Variants in FAM167A observed in about 807,000 individuals in gnomAD.
FAM167A encodes protein FAM167A.
A neutral mutation model predicts 14.9 loss-of-function variants in FAM167A; 23 were observed. The ratio of observed to expected loss-of-function variants is 1.55; its 90% CI spans 1.11 to 2.19. The LOEUF (loss-of-function observed/expected upper bound fraction) is 2.19. Among genes scored for constraint, FAM167A ranks in the 30% most tolerant of loss-of-function variants. The pLI, the probability that FAM167A is intolerant of heterozygous loss-of-function variation, is 0.00. For synonymous variants in FAM167A, 174 were observed against 117.7 expected (o/e 1.48, Z -3.10); for missense variants, 401 against 281.5 (o/e 1.42, Z -3.04).
chr8:11,431,228 C>T (rs139790665), intron 2 of FAM167A, among the ~76,000 whole-genome samples: 99 of 152,350 alleles, frequency 6.5e-4, no homozygotes, highest in African/African-American at 2.1e-3. Flanking sequence ...GAAGACAATC[C>T]TGGCACATGC....
intron 1 of FAM167A, among the ~76,000 whole-genome samples, chr8:11,465,291 C>G (rs1294420771): frequency 6.6e-6 from 1 of 152,100 alleles, no homozygotes; most frequent in Non-Finnish European, 1.5e-5. Flanking sequence ...TCAGATTTCC[C>G]AAAGCAGCCT....
At chr8:11,441,596 G>C (rs955774182) in intron 2 of FAM167A, among the ~76,000 whole-genome samples, 1 of 152,080 alleles carries the variant, frequency 6.6e-6, no homozygotes, top group Admixed American at 6.6e-5. Context: ...GCCACCTCAC[G>C]AGCCTCACCT....
At chr8:11,446,169 G>A (rs185429574) in intron 1 of FAM167A, among the ~76,000 whole-genome samples, 5 of 152,252 alleles carry the variant, frequency 3.3e-5, no homozygotes, top group East Asian at 3.9e-4. Context: ...ACCACCTCGC[G>A]GTGTCCTGGG....
At chr8:11,443,403 G>A (rs1033330988) in intron 2 of FAM167A, among the ~76,000 whole-genome samples, 1 of 152,188 alleles carries the variant, frequency 6.6e-6, no homozygotes, top group Non-Finnish European at 1.5e-5. Context: ...GCCCCGCCCT[G>A]ACTTCTGAGC....
upstream of FAM167A, among the ~76,000 whole-genome samples, chr8:11,472,543 G>A (rs1807993745): frequency 1.3e-5 from 2 of 149,506 alleles, no homozygotes; most frequent in African/African-American, 5.0e-5. Flanking sequence ...GGGTTCTAGC[G>A]ATTCTTGCAT....
chr8:11,461,788 T>G (rs955655135), intron 1 of FAM167A, among the ~76,000 whole-genome samples: 7 of 152,254 alleles, frequency 4.6e-5, no homozygotes, highest in Non-Finnish European at 8.8e-5. Flanking sequence ...TTTGTCCAGA[T>G]GATCTGATTT....
chr8:11,461,922 C>A (rs999502612), intron 1 of FAM167A, among the ~76,000 whole-genome samples: 3 of 152,206 alleles, frequency 2.0e-5, no homozygotes, highest in African/African-American at 7.2e-5. Context: ...GGGGTCCTGA[C>A]CTCTCAGGGG....
At chr8:11,471,028 A>G (rs34074589), upstream of FAM167A, among the ~76,000 whole-genome samples, 27,787 of 152,158 alleles carry the variant, frequency 0.18, 2,640 homozygotes, top group Middle Eastern at 0.33. Context: ...CGGGGGCTAG[A>G]CATGGGAGTG....
chr8:11,470,366 G>A (rs1041992447), upstream of FAM167A, among the ~76,000 whole-genome samples: 1 of 152,150 alleles, frequency 6.6e-6, no homozygotes, highest in Admixed American at 6.5e-5. Flanking sequence ...GCCAACAAAC[G>A]TGCCTGCCAC....
upstream of FAM167A, among the ~76,000 whole-genome samples, chr8:11,469,181 A>T (rs1807875796): frequency 6.7e-6 from 1 of 149,842 alleles, no homozygotes; most frequent in Non-Finnish European, 1.5e-5. Context: ...TATCTAATTC[A>T]TATGTATGCA....
chr8:11,427,243 A>G (rs1045872936), intron 2 of FAM167A, among the ~76,000 whole-genome samples: 3 of 152,172 alleles, frequency 2.0e-5, no homozygotes, highest in Non-Finnish European at 2.9e-5. Context: ...TACCAGCAGG[A>G]CAGTCTGGCT....
chr8:11,442,483 TA>T (rs956819357), intron 2 of FAM167A, among the ~76,000 whole-genome samples: 1 of 152,150 alleles, frequency 6.6e-6, no homozygotes, highest in African/African-American at 2.4e-5. Context: ...TGCGGAATGC[TA>T]ACTTCCTTAA....
In FAM167A at chr8:11,424,651, G is replaced by C. The variant is rs767037170; in HGVS notation, c.382-15C>G. On this transcript the variant is annotated splice_polypyrimidine_tract_variant and intron_variant, in intron 2 of 2. Coordinates refer to ENST00000284486, the MANE Select transcript of FAM167A (RefSeq NM_053279.3). ...CGCATCTCCGTCTGGAAGGGAGGGG[G>C]AGCAGGCAGGGTCAGCAGAGAGTGG... 1 of 1,612,360 alleles carries C rather than the reference G, an allele frequency of 6.2e-7. No individual in the cohort carries two copies. Among genetic ancestry groups the C allele is most frequent in the East Asian group, 2.2e-5 (1 of 44,860 alleles).
chr8:11,423,979 C>T lies in FAM167A; in HGVS notation c.*394G>A, dbSNP rs376702692. 8 of 212,476 alleles carry T rather than the reference C, an allele frequency of 3.8e-5. No individual in the cohort carries two copies. The highest frequency in any genetic ancestry group is 1.0e-4 in the South Asian group (1 of 9,960). The allele number at this position is 212,476 out of a possible 1,614,324, so 13.2% of individuals were successfully genotyped here. ...TGCCTAATTTCCCCCAAGGCCCTTG[C>T]GGGACAGCCTTCTGCAAAAATGACA... On this transcript the variant is annotated 3_prime_UTR_variant, in exon 3 of 3. Coordinates refer to ENST00000284486, the MANE Select transcript of FAM167A (RefSeq NM_053279.3).
At chr8:11,430,946 C>G (rs1470620247) in intron 2 of FAM167A, among the ~76,000 whole-genome samples, 1 of 152,188 alleles carries the variant, frequency 6.6e-6, no homozygotes, top group African/African-American at 2.4e-5. Context: ...GACTCCTACC[C>G]TCGGAGCTGG....
At chr8:11,438,134 T>G (rs1191810761) in intron 2 of FAM167A, 5 of 456,500 alleles carry the variant, frequency 1.1e-5, no homozygotes, top group African/African-American at 1.0e-4. Context: ...CCGGTAGTGC[T>G]GAATGGACAT....
At position 11,421,994 on chromosome 8, in the gene FAM167A, C is replaced by G; in HGVS notation, c.*2379G>C. On this transcript the variant is annotated 3_prime_UTR_variant, in exon 3 of 3. Transcript: ENST00000284486. Reference sequence around the variant, plus strand: ...GTTTAGAAAACATCGCTGTCCCCCTCCACTTCTCATCTTGGGTCACCTCCT... The same window carrying G: ...GTTTAGAAAACATCGCTGTCCCCCTGCACTTCTCATCTTGGGTCACCTCCT... 2.5e-6 allele frequency: 1 copy of G among 396,238 alleles called. No homozygotes were observed. Among genetic ancestry groups the G allele is most frequent in the Admixed American group, 4.4e-5 (1 of 22,668 alleles). The allele number at this position is 396,238 out of a possible 1,614,324, so 24.5% of individuals were successfully genotyped here.
At position 11,424,523 on chromosome 8, in the gene FAM167A, G is replaced by C; in HGVS notation, c.495C>G (p.Asn165Lys). 6.2e-7 allele frequency: 1 copy of C among 1,614,188 alleles called. No homozygotes were observed. The highest frequency in any genetic ancestry group is 8.5e-7 in the Non-Finnish European group (1 of 1,180,024). ...GCTCCTCCAGCTCGTAGGTGGCATC[G>C]TTGAGCATCCTCCTGTGGAGGCGGC... The part of the protein sequence containing the change: ...HTCRLHRRML[N>K]DATYELEERD... The change falls in exon 3 of 3, where the codon AAC becomes AAG. Residue 165 changes from asparagine to lysine, a missense_variant. Asn to Lys is a moderately conservative substitution (Grantham distance 94). Coordinates refer to ENST00000284486, the MANE Select transcript of FAM167A (RefSeq NM_053279.3).
chr8:11,469,997 A>G (rs188518756), upstream of FAM167A, among the ~76,000 whole-genome samples: 36 of 152,374 alleles, frequency 2.4e-4, no homozygotes, highest in African/African-American at 8.7e-4. Flanking sequence ...AATACGTATT[A>G]GTACCACTAA....
Sources: allele counts gnomAD v4.1 joint callset (sites outside exome capture counted in the v4.1 genomes callset), GRCh38; gene constraint gnomAD v4.1.1; transcripts MANE v1.5; gene names NCBI Gene and HGNC (gene_info 2026-07-23, HGNC 2026-07-21).